TAFA1: variants seen among roughly 807,000 people sequenced by gnomAD.
TAFA1 encodes the protein chemokine-like protein TAFA-1.
In TAFA1, 4 loss-of-function variants were observed where a neutral mutation model predicts 18.5. The observed-to-expected ratio is 0.22, with a 90% CI of 0.11 to 0.49. The LOEUF (loss-of-function observed/expected upper bound fraction) is 0.49, where lower values mean the gene tolerates loss of function less well. Ranked by LOEUF, TAFA1 falls within the 20% of genes least tolerant of loss-of-function variation. The pLI is 0.98. For missense variants in TAFA1, 147 were observed against 169.0 expected, an observed-to-expected ratio of 0.87 and a Z score of 0.72; for synonymous variants, 56 against 55.2, an observed-to-expected ratio of 1.01 and a Z score of -0.06.
At chr3:68,449,373 G>A (rs918136084) in intron 3 of TAFA1, among the ~76,000 whole-genome samples, 2 of 152,142 alleles carry the variant, frequency 1.3e-5, no homozygotes, top group Non-Finnish European at 2.9e-5. Flanking sequence ...AGGTAAGGGC[G>A]AGAACAGAGA....
chr3:68,515,156 G>C (rs1190470636), intron 3 of TAFA1, among the ~76,000 whole-genome samples: 1 of 152,118 alleles, frequency 6.6e-6, no homozygotes, highest in South Asian at 2.1e-4. Context: ...CAGTATGGTA[G>C]TGTCAGGGCT....
chr3:68,467,818 C>T (rs774628441), intron 3 of TAFA1, among the ~76,000 whole-genome samples: 15 of 152,022 alleles, frequency 9.9e-5, no homozygotes, highest in East Asian at 1.9e-4. Context: ...CTTGCTAAAA[C>T]GGGAAAATGC....
chr3:68,390,548 G>A (rs932774298), intron 2 of TAFA1, among the ~76,000 whole-genome samples: 1 of 152,214 alleles, frequency 6.6e-6, no homozygotes, highest in African/African-American at 2.4e-5. Context: ...TGACCCCCAT[G>A]CCTTCTGATG....
At chr3:68,528,128 G>T (rs2073133590) in intron 3 of TAFA1, among the ~76,000 whole-genome samples, 1 of 152,174 alleles carries the variant, frequency 6.6e-6, no homozygotes, top group Admixed American at 6.5e-5. Context: ...AAGGTGAGGG[G>T]ATGGATGCAT....
At chr3:68,358,691 G>C (rs1054229126) in intron 2 of TAFA1, among the ~76,000 whole-genome samples, 5 of 152,014 alleles carry the variant, frequency 3.3e-5, no homozygotes, top group Non-Finnish European at 7.4e-5. Context: ...TGGAGTTTTT[G>C]CTGGTGAATA....
intron 2 of TAFA1, among the ~76,000 whole-genome samples, chr3:68,095,317 A>G (rs2065075411): frequency 6.6e-6 from 1 of 152,188 alleles, no homozygotes; most frequent in African/African-American, 2.4e-5. Flanking sequence ...CATTTTAAAA[A>G]ACAGTTTTTA....
chr3:68,334,397 G>C (rs953784987), intron 2 of TAFA1, among the ~76,000 whole-genome samples: 1 of 152,138 alleles, frequency 6.6e-6, no homozygotes, highest in Non-Finnish European at 1.5e-5. Context: ...TTGTGAAACA[G>C]CTTTTGAACA....
At chr3:68,245,514 T>C (rs889929148) in intron 2 of TAFA1, among the ~76,000 whole-genome samples, 2 of 152,242 alleles carry the variant, frequency 1.3e-5, no homozygotes, top group African/African-American at 4.8e-5. Context: ...GAGGCTTGCA[T>C]AGATATGGAT....
chr3:68,268,593 G>T (rs1190542700), intron 2 of TAFA1, among the ~76,000 whole-genome samples: 2 of 152,144 alleles, frequency 1.3e-5, no homozygotes, highest in East Asian at 3.9e-4. Context: ...GCAAAGAAAA[G>T]AATGGATGAA....
At chr3:68,374,850 A>G (rs2069777460) in intron 2 of TAFA1, among the ~76,000 whole-genome samples, 1 of 152,054 alleles carries the variant, frequency 6.6e-6, no homozygotes, top group Non-Finnish European at 1.5e-5. Context: ...ATGATCTCAG[A>G]CACTTTATCT....
chr3:68,113,677 G>T (rs2065288220), intron 2 of TAFA1, among the ~76,000 whole-genome samples: 1 of 152,230 alleles, frequency 6.6e-6, no homozygotes, highest in South Asian at 2.1e-4. Flanking sequence ...AAGACCCTAT[G>T]CAAGGTTCCT....
chr3:68,002,678 A>AT (rs930768776), upstream of TAFA1, among the ~76,000 whole-genome samples: 2 of 151,838 alleles, frequency 1.3e-5, no homozygotes, highest in Non-Finnish European at 2.9e-5. Context: ...ATTTTTTTGG[A>AT]TTTTTTTTCC....
intron 3 of TAFA1, among the ~76,000 whole-genome samples, chr3:68,518,039 A>G (rs184900675): frequency 9.2e-4 from 140 of 152,322 alleles, no homozygotes; most frequent in African/African-American, 3.1e-3. Context: ...GTCATGCACA[A>G]GCATTACTTC....
At chr3:68,090,631 G>T (rs1233514345) in intron 2 of TAFA1, among the ~76,000 whole-genome samples, 1 of 152,050 alleles carries the variant, frequency 6.6e-6, no homozygotes, top group African/African-American at 2.4e-5. Flanking sequence ...TTCAATGTTG[G>T]CTGTCCTTTG....
chr3:68,516,576 A>C (rs1004109722), intron 3 of TAFA1, among the ~76,000 whole-genome samples: 1 of 152,178 alleles, frequency 6.6e-6, no homozygotes, highest in Admixed American at 6.5e-5. Context: ...ATTGAAAGCT[A>C]TCAGGATATT....
At chr3:68,026,115 G>A (rs1244474625) in intron 2 of TAFA1, among the ~76,000 whole-genome samples, 1 of 152,050 alleles carries the variant, frequency 6.6e-6, no homozygotes, top group Non-Finnish European at 1.5e-5. Flanking sequence ...TCTAACGTAA[G>A]TATTTACATA....
the TAFA1 span, among the ~76,000 whole-genome samples, chr3:67,993,422 C>T: frequency 6.6e-6 from 1 of 152,208 alleles, no homozygotes; most frequent in Admixed American, 6.5e-5. Context: ...CCCCAGTTGG[C>T]TTGTAAGTAT....
intron 2 of TAFA1, among the ~76,000 whole-genome samples, chr3:68,155,894 A>G (rs574498989): frequency 6.6e-6 from 1 of 152,288 alleles, no homozygotes; most frequent in African/African-American, 2.4e-5. Flanking sequence ...AGCTTCAGTT[A>G]CAATTACTAA....
At chr3:68,401,937 A>G (rs1214294900) in intron 2 of TAFA1, among the ~76,000 whole-genome samples, 5 of 152,214 alleles carry the variant, frequency 3.3e-5, no homozygotes, top group Non-Finnish European at 5.9e-5. Context: ...TACAGAGTAG[A>G]AATAACTAAT....
Sources: allele counts gnomAD v4.1 joint callset (sites outside exome capture counted in the v4.1 genomes callset), GRCh38; gene constraint gnomAD v4.1.1; transcripts MANE v1.5; gene names NCBI Gene and HGNC (gene_info 2026-07-23, HGNC 2026-07-21).